Variants in IQCB1 observed in about 807,000 individuals in gnomAD.
IQCB1 encodes IQ motif containing B1, also known as IQ calmodulin-binding motif-containing protein 1.
A neutral mutation model predicts 84.4 loss-of-function variants in IQCB1; 56 were observed. That is an observed-to-expected ratio of 0.66 (90% CI 0.54 to 0.83). The LOEUF is 0.83. IQCB1 is among the 40% of genes least tolerant of loss of function. The pLI is 0.00. For synonymous variants in IQCB1, 210 were observed against 234.8 expected, an observed-to-expected ratio of 0.89 and a Z score of 0.96; for missense variants, 629 against 682.1, an observed-to-expected ratio of 0.92 and a Z score of 0.87.
At chr3:121,778,074 AT>A (rs1472901291) in intron 13 of IQCB1, among the ~76,000 whole-genome samples, 17 of 152,134 alleles carry the variant, frequency 1.1e-4, no homozygotes, top group African/African-American at 2.9e-4. Flanking sequence ...TGCCTGGCTA[AT>A]TTTTAAATTT....
chr3:121,772,626 C>T lies in IQCB1; in HGVS notation c.1498G>A (p.Glu500Lys). 6.2e-7 allele frequency: 1 copy of T among 1,614,220 alleles called. No individual in the cohort carries two copies. The highest frequency in any genetic ancestry group is 8.5e-7 in the Non-Finnish European group (1 of 1,180,028). Residue 500 changes from glutamate to lysine, a missense_variant, in exon 14 of 15, where the codon GAA becomes AAA. Physicochemically the swap from Glu to Lys is moderately conservative, Grantham distance 56. Transcript: ENST00000310864. ...TCTCTGTGCTGCTGGGCTCGCTCTT[C>T]TAGGGCCCTGCCCATAAAGTAGTGT... ...LQHYFMGRAL[E>K]ERAQQHREAL...
At chr3:121,833,737 G>A (rs953240711) in intron 2 of IQCB1, among the ~76,000 whole-genome samples, 1 of 152,098 alleles carries the variant, frequency 6.6e-6, no homozygotes, top group Non-Finnish European at 1.5e-5. Context: ...TCAGAGGACT[G>A]GGCTTCTCTG....
intron 7 of IQCB1, among the ~76,000 whole-genome samples, chr3:121,805,854 T>C (rs1005976379): frequency 1.3e-5 from 2 of 152,146 alleles, no homozygotes; most frequent in African/African-American, 4.8e-5. Context: ...TCTACATGTA[T>C]AGCTCTCTTC....
Position 121,790,212 on chromosome 3 carries a change from G to A in IQCB1, c.990C>T (p.Ser330=). 2 of 1,613,328 alleles carry A rather than the reference G, an allele frequency of 1.2e-6. No individual in the cohort carries two copies. The highest frequency in any genetic ancestry group is 1.7e-6 in the Non-Finnish European group (2 of 1,179,486). ...AVIALQRSFR[S]KRSKMLLEIN... ...TCTCCAGCAACATCTTTGATCGTTTGGATCTGTGATGGAAACAGTGTGTTA... is the reference window on the plus strand; with the variant it reads ...TCTCCAGCAACATCTTTGATCGTTTAGATCTGTGATGGAAACAGTGTGTTA... Residue 330 remains serine (S), a synonymous_variant, in exon 11 of 15, where the codon TCC becomes TCT. Coordinates refer to ENST00000310864, the MANE Select transcript of IQCB1 (RefSeq NM_001023570.4).
At position 121,794,065 on chromosome 3, in the gene IQCB1, G is replaced by T. The variant is rs377143150; in HGVS notation, c.986+1392C>A. 5.3e-5 allele frequency among the ~76,000 whole-genome samples: 8 copies of T among 151,954 alleles called. No individual in the cohort carries two copies. In the East Asian group the frequency reaches 1.4e-3, roughly 26 times the overall value. ...ATACCAAGAGCACCTCAGATGCTTT[G>T]GGTAGAAAAATATACACTGTGACTC... On this transcript the variant is annotated intron_variant, in intron 10 of 14. Transcript: ENST00000310864.
chr3:121,795,693 A>G lies in IQCB1; in HGVS notation c.877-127T>C, dbSNP rs1199354332. 3 of 669,728 alleles carry G rather than the reference A, an allele frequency of 4.5e-6. No individual in the cohort carries two copies. The African/African-American group carries it at 5.5e-5, about 12-fold the overall frequency. 41.5% of individuals were successfully genotyped at this position (669,728 alleles called of 1,614,324 possible). On this transcript the variant is annotated intron_variant, in intron 9 of 14. Transcript: ENST00000310864. ...TAGCTCTAACAAGATGGGTAAGAAT[A>G]TTAAACCTTACCTCCCAAAGGAGGT... is the stretch of plus-strand genomic sequence containing the variant.
intron 10 of IQCB1, among the ~76,000 whole-genome samples, chr3:121,792,661 CAAAAAAAAAA>C (rs56685889): frequency 1.3e-5 from 1 of 76,216 alleles, no homozygotes; most frequent in Non-Finnish European, 2.5e-5. Flanking sequence ...GACTCCGTCT[CAAAAAAAAAA>C]AAAAAAAAAA....
chr3:121,827,747 G>C (rs904113790), intron 4 of IQCB1, among the ~76,000 whole-genome samples: 1 of 152,034 alleles, frequency 6.6e-6, no homozygotes, highest in African/African-American at 2.4e-5. Flanking sequence ...CTTTCAGTGG[G>C]AATAGCTTAT....
intron 12 of IQCB1, among the ~76,000 whole-genome samples, chr3:121,784,344 C>G (rs1948625597): frequency 6.6e-6 from 1 of 152,032 alleles, no homozygotes; most frequent in Non-Finnish European, 1.5e-5. Flanking sequence ...CTGGCAAAAT[C>G]TTTTTTCCTT....
intron 8 of IQCB1, among the ~76,000 whole-genome samples, 189 bp from the exon 9 acceptor site, chr3:121,797,416 C>T (rs1346137112): frequency 6.6e-6 from 1 of 150,910 alleles, no homozygotes; most frequent in Non-Finnish European, 1.5e-5. Context: ...ATTCCTCCCT[C>T]CTGAGAATTC....
At chr3:121,785,266 T>C (rs1490780461) in intron 12 of IQCB1, among the ~76,000 whole-genome samples, 1 of 151,998 alleles carries the variant, frequency 6.6e-6, no homozygotes, top group East Asian at 1.9e-4. Context: ...TTTTTTTTTT[T>C]TTTGAGGCAG....
chr3:121,823,255 T>C lies in IQCB1; in HGVS notation c.393+2796A>G, dbSNP rs1950339890. 2.6e-5 allele frequency among the ~76,000 whole-genome samples: 4 copies of C among 152,008 alleles called. No homozygotes were observed. The South Asian group carries it at 8.3e-4, about 32-fold the overall frequency. On this transcript the variant is annotated intron_variant, in intron 5 of 14. Transcript: ENST00000310864. ...ACAACCAGAAGTCCCAGAGTGAAGG[T>C]AGAGAGAATAGGGCAAACAAAAGTA... is the stretch of plus-strand genomic sequence containing the variant.
chr3:121,826,070 C>T lies in IQCB1; in HGVS notation c.374G>A (p.Cys125Tyr). Residue 125 changes from cysteine to tyrosine, a missense_variant, in exon 5 of 15, where the codon TGT becomes TAT. Transcript: ENST00000310864. ...FLVLGRQLQT[C>Y]FINAAKAEEK... ...ACATACCTTAGCTGCATTGATAAAA[C>T]ATGTTTGTAATTGTCTCCCCAAAAC... 1 of 1,613,158 alleles carries T rather than the reference C, an allele frequency of 6.2e-7. No individual in the cohort carries two copies. Among genetic ancestry groups the T allele is most frequent in the Non-Finnish European group, 8.5e-7 (1 of 1,179,188 alleles).
chr3:121,787,150 G>A (rs562729499), intron 12 of IQCB1, among the ~76,000 whole-genome samples: 12 of 150,804 alleles, frequency 8.0e-5, no homozygotes, highest in African/African-American at 2.9e-4. Flanking sequence ...ATCTCTTCCT[G>A]TTTCTCTAGT....
At chr3:121,829,614 T>C (rs1433608091) in intron 2 of IQCB1, among the ~76,000 whole-genome samples, 3 of 152,204 alleles carry the variant, frequency 2.0e-5, no homozygotes, top group Admixed American at 1.3e-4. Context: ...GAGTGTCTAG[T>C]TGAGCTTCCT....
At chr3:121,810,426 T>A (rs1279930062) in intron 5 of IQCB1, among the ~76,000 whole-genome samples, 1 of 152,120 alleles carries the variant, frequency 6.6e-6, no homozygotes, top group East Asian at 1.9e-4. Flanking sequence ...CTGTAGCCAA[T>A]TAATTCTTGG....
At chr3:121,813,578 AT>A (rs1162169850) in intron 5 of IQCB1, among the ~76,000 whole-genome samples, 2 of 152,226 alleles carry the variant, frequency 1.3e-5, no homozygotes, top group Non-Finnish European at 2.9e-5. Context: ...ATGCAGGAAT[AT>A]TTACCAAGCA....
Position 121,825,985 on chromosome 3 carries a change from A to G in IQCB1, c.393+66T>C, listed in dbSNP as rs1950451751. 5 of 1,426,784 alleles carry G rather than the reference A, an allele frequency of 3.5e-6. No homozygotes were observed. In the Admixed American group the frequency reaches 8.8e-5, roughly 25 times the overall value. The allele number at this position is 1,426,784 out of a possible 1,614,324, so 88.4% of individuals were successfully genotyped here. On this transcript the variant is annotated intron_variant, in intron 5 of 14. Transcript: ENST00000310864. The stretch of plus-strand genomic sequence containing the variant: ...TTTCAGCCAAATATTGCACATTTAA[A>G]AAATAACAGAACAGCTTCTTAAGAA...
intron 5 of IQCB1, 125 bp downstream of exon 5, chr3:121,825,924 CTT>C: frequency 2.1e-6 from 2 of 938,812 alleles, no homozygotes; most frequent in Non-Finnish European, 3.2e-6. Flanking sequence ...AAGGTTGTAA[CTT>C]TGAAAATGTT....
Sources: gnomAD v4.1 joint callset for allele counts (sites outside exome capture counted in the v4.1 genomes callset) on GRCh38, gnomAD v4.1.1 for gene constraint, MANE v1.5 for transcripts, NCBI Gene and HGNC (gene_info 2026-07-23, HGNC 2026-07-21) for gene names.